The following IMMP2L variants were observed in gnomAD, a reference collection of about 807,000 sequenced individuals.
IMMP2L encodes the protein mitochondrial inner membrane protease subunit 2.
A neutral mutation model predicts 19.3 loss-of-function variants in IMMP2L; 18 were observed. The observed-to-expected ratio is 0.93, with a 90% CI of 0.64 to 1.38. The LOEUF is 1.38. Among genes scored for constraint, IMMP2L ranks in the 40% most tolerant of loss-of-function variants. IMMP2L has a pLI of 0.00. For synonymous variants in IMMP2L, 76 were observed against 73.0 expected (o/e 1.04, Z -0.21); for missense variants, 233 against 218.2 (o/e 1.07, Z -0.43).
In IMMP2L at chr7:111,064,087, T is replaced by A. The variant is rs180927912; in HGVS notation, c.240-100522A>T. Among the ~76,000 whole-genome samples, 174 of 152,242 alleles carry A rather than the reference T, an allele frequency of 1.1e-3. 2 individuals are homozygous for A. The highest frequency in any genetic ancestry group is 3.9e-3 in the African/African-American group (164 of 41,550). ...TGAAGACATACCTGAGGCTGGGAAA[T>A]TTATAAAAGAAAGGGGTTTATTGGA... On this transcript the variant is annotated intron_variant, in intron 3 of 5. Coordinates refer to ENST00000405709, the MANE Select transcript of IMMP2L (RefSeq NM_032549.4).
intron 3 of IMMP2L, among the ~76,000 whole-genome samples, chr7:111,243,059 A>G (rs1011773957): frequency 5.9e-5 from 9 of 152,084 alleles, no homozygotes; most frequent in African/African-American, 1.7e-4. Context: ...ACATGTCTGA[A>G]GGTGAAAAAT....
At chr7:111,224,786 C>T (rs1203694920) in intron 3 of IMMP2L, among the ~76,000 whole-genome samples, 2 of 152,102 alleles carry the variant, frequency 1.3e-5, no homozygotes, top group Non-Finnish European at 2.9e-5. Flanking sequence ...GAACTGCTAG[C>T]AGCTTAGCAT....
At chr7:111,389,337 C>T (rs1224638134) in intron 3 of IMMP2L, among the ~76,000 whole-genome samples, 3 of 151,962 alleles carry the variant, frequency 2.0e-5, no homozygotes, top group African/African-American at 7.3e-5. Flanking sequence ...AGATTCTGGA[C>T]ATATAAAGAA....
chr7:111,155,070 T>C (rs773331646), intron 3 of IMMP2L, among the ~76,000 whole-genome samples: 4 of 152,148 alleles, frequency 2.6e-5, no homozygotes, highest in Admixed American at 6.6e-5. Context: ...TTAGTTATTA[T>C]TAAAATTCTG....
In IMMP2L at chr7:111,191,431, T is replaced by TACACACACACAC. The variant is rs57414194; in HGVS notation, c.240-227878_240-227867dup. Among the ~76,000 whole-genome samples, 299 of 146,770 alleles carry TACACACACACAC rather than the reference T, an allele frequency of 2.0e-3. 1 individual carries two copies. Among genetic ancestry groups the TACACACACACAC allele is most frequent in the East Asian group, 3.3e-3 (16 of 4,906 alleles). On this transcript the variant is annotated intron_variant, in intron 3 of 5. Transcript: ENST00000405709. ...ACAAGGTAAAATGCTGCTGCTCAAATACACACACACACACACACACACACA... is the reference window on the plus strand; with the variant it reads ...ACAAGGTAAAATGCTGCTGCTCAAATACACACACACACACACACACACACACACACACACACA...
intron 5 of IMMP2L, among the ~76,000 whole-genome samples, chr7:110,799,451 T>C (rs1364625149): frequency 1.3e-5 from 2 of 152,028 alleles, no homozygotes; most frequent in Non-Finnish European, 2.9e-5. Flanking sequence ...TGAATTTAGA[T>C]TGTAAAGTTG....
intron 3 of IMMP2L, among the ~76,000 whole-genome samples, chr7:111,007,333 G>T (rs183095795): frequency 1.3e-4 from 20 of 152,050 alleles, no homozygotes; most frequent in Non-Finnish European, 2.8e-4. Flanking sequence ...TTTGGGTGGG[G>T]ACACAGACCT....
chr7:110,854,533 C>T (rs1391663619), intron 5 of IMMP2L, among the ~76,000 whole-genome samples: 1 of 151,840 alleles, frequency 6.6e-6, no homozygotes, highest in Non-Finnish European at 1.5e-5. Context: ...TTGGAACATG[C>T]ACTTAAAACA....
Position 110,727,328 on chromosome 7 carries a change from T to G in IMMP2L, c.409-63607A>C, listed in dbSNP as rs1476264487. ...AGCACTTGAACCCAGGAGGTGGAAGTTGCAGTGAGCCGAGACTCTGCCACA... is the reference window on the plus strand; with the variant it reads ...AGCACTTGAACCCAGGAGGTGGAAGGTGCAGTGAGCCGAGACTCTGCCACA... On this transcript the variant is annotated intron_variant, in intron 5 of 5. Transcript: ENST00000405709. This position sits in a 1 kb window ranked among gnomAD's most constrained non-coding sequence, Gnocchi z 4.3. Among the ~76,000 whole-genome samples, 1 of 152,066 alleles carries G rather than the reference T, an allele frequency of 6.6e-6. No homozygotes were observed. Among genetic ancestry groups the G allele is most frequent in the African/African-American group, 2.4e-5 (1 of 41,406 alleles).
chr7:110,835,611 G>A (rs1332111118), intron 5 of IMMP2L, among the ~76,000 whole-genome samples: 1 of 151,478 alleles, frequency 6.6e-6, no homozygotes, highest in Non-Finnish European at 1.5e-5. Flanking sequence ...ACTTGCCTTT[G>A]TTCCCAGAAG....
chr7:111,385,120 A>G (rs1831604134), intron 3 of IMMP2L, among the ~76,000 whole-genome samples: 2 of 152,158 alleles, frequency 1.3e-5, no homozygotes. Context: ...AATAAAATGT[A>G]TATGTCAAAT....
chr7:110,976,143 A>G (rs1405304073), intron 3 of IMMP2L, among the ~76,000 whole-genome samples: 2 of 152,000 alleles, frequency 1.3e-5, no homozygotes, highest in Non-Finnish European at 2.9e-5. Flanking sequence ...CATTTGCTAC[A>G]TATTTGCTTA....
chr7:111,079,035 A>G (rs928875489), intron 3 of IMMP2L, among the ~76,000 whole-genome samples: 1 of 151,992 alleles, frequency 6.6e-6, no homozygotes, highest in Non-Finnish European at 1.5e-5. Context: ...AAACATTTTA[A>G]AAGCCAACAT....
At chr7:111,234,671 A>G (rs540715941) in intron 3 of IMMP2L, among the ~76,000 whole-genome samples, 195 of 152,112 alleles carry the variant, frequency 1.3e-3, no homozygotes, top group South Asian at 8.1e-3. Context: ...GATTAACTGC[A>G]TATTTTATAT....
At chr7:110,686,349 TA>T (rs112271801) in intron 5 of IMMP2L, among the ~76,000 whole-genome samples, 8,757 of 152,082 alleles carry the variant, frequency 0.058, 382 homozygotes, top group African/African-American at 0.12. Flanking sequence ...TTGCTCTCTT[TA>T]TATTCTTTCT....
intron 3 of IMMP2L, among the ~76,000 whole-genome samples, chr7:111,242,905 T>C (rs370946418): frequency 1.3e-5 from 2 of 152,142 alleles, no homozygotes; most frequent in African/African-American, 2.4e-5. Context: ...AAACAATTAT[T>C]GTCCAATTGT....
At chr7:111,393,403 T>C (rs1405894524) in intron 3 of IMMP2L, among the ~76,000 whole-genome samples, 1 of 152,122 alleles carries the variant, frequency 6.6e-6, no homozygotes, top group African/African-American at 2.4e-5. Flanking sequence ...TGTAAAAAAC[T>C]TGTCCCATTT....
chr7:110,713,348 C>A (rs143505036), intron 5 of IMMP2L, among the ~76,000 whole-genome samples: 1 of 152,110 alleles, frequency 6.6e-6, no homozygotes, highest in Non-Finnish European at 1.5e-5. Flanking sequence ...TAATGTGATG[C>A]GTCTGACTTT....
At chr7:111,469,407 C>T (rs36198299) in intron 3 of IMMP2L, among the ~76,000 whole-genome samples, 2 of 151,848 alleles carry the variant, frequency 1.3e-5, no homozygotes, top group Admixed American at 6.6e-5. Flanking sequence ...TTCTTCCATT[C>T]GTTTGTATCC....
Sources: gnomAD v4.1 joint callset for allele counts (sites outside exome capture counted in the v4.1 genomes callset) on GRCh38, gnomAD v4.1.1 for gene constraint, Gnocchi (gnomAD v3.1) non-coding constraint, MANE v1.5 for transcripts, NCBI Gene and HGNC (gene_info 2026-07-23, HGNC 2026-07-21) for gene names.